The following TRPC3 variants were observed in gnomAD, a reference collection of about 807,000 sequenced individuals.
TRPC3 encodes the protein transient receptor potential cation channel subfamily C member 3.
In TRPC3, 54 loss-of-function variants were observed where a neutral mutation model predicts 90.9. The observed-to-expected ratio is 0.59, with a 90% CI of 0.48 to 0.75. The LOEUF (loss-of-function observed/expected upper bound fraction) is 0.75, where lower values mean the gene tolerates loss of function less well. Ranked by LOEUF, TRPC3 falls within the 30% of genes least tolerant of loss-of-function variation. The pLI is 0.00. For missense variants in TRPC3, 918 were observed against 1,194.5 expected (o/e 0.77, Z 3.41); for synonymous variants, 424 against 450.9 (o/e 0.94, Z 0.75).
At chr4:121,882,488 A>G (rs1727977518) in intron 10 of TRPC3, 59 bp from the exon 11 acceptor site, 2 of 1,518,462 alleles carry the variant, frequency 1.3e-6, no homozygotes, top group South Asian at 1.2e-5. Context: ...CCCCAATCCT[A>G]TTTTCCAAAG....
intron 1 of TRPC3, among the ~76,000 whole-genome samples, chr4:121,936,015 A>G (rs1048239977): frequency 2.6e-5 from 4 of 152,236 alleles, no homozygotes; most frequent in Admixed American, 2.6e-4. Flanking sequence ...AACAAGTCAC[A>G]TGTCATTTTT....
Position 121,933,913 on chromosome 4 carries a change from G to A in TRPC3, c.216-871C>T, listed in dbSNP as rs574366070. Among the ~76,000 whole-genome samples, 126 of 152,248 alleles carry A rather than the reference G, an allele frequency of 8.3e-4. 1 individual carries two copies. Among genetic ancestry groups the A allele is most frequent in the Non-Finnish European group, 8.5e-4 (58 of 68,012 alleles). On this transcript the variant is annotated intron_variant, in intron 1 of 11. Transcript: ENST00000379645. The stretch of plus-strand genomic sequence containing the variant: ...TAGATTGATTTTATTGAAAACAACC[G>A]TGCCTTTGTAATAAGAATTATTTAA...
At position 121,914,901 on chromosome 4, in the gene TRPC3, C is replaced by T; in HGVS notation, c.1220G>A (p.Trp407Ter). ...PNCQQQLLTI[W>*]YENLSGLREQ... is the part of the protein sequence containing the mutation. ...CCTTAGGCCTGAGAGGTTCTCATAC[C>T]AGATCGTCAAGAGCTGCTGCTGGCA... The change falls in exon 4 of 12, where the codon TGG becomes TAG. Residue 407 changes from tryptophan to a stop codon, truncating the protein, a stop_gained. Coordinates refer to ENST00000379645, the MANE Select transcript of TRPC3 (RefSeq NM_001130698.2). LOFTEE classifies it high-confidence loss of function. 6.2e-7 allele frequency: 1 copy of T among 1,611,708 alleles called. No homozygotes were observed. The highest frequency in any genetic ancestry group is 8.5e-7 in the Non-Finnish European group (1 of 1,178,242).
chr4:121,891,128 A>T lies in TRPC3; in HGVS notation c.2547+8484T>A, dbSNP rs189963911. On this transcript the variant is annotated intron_variant, in intron 10 of 11. Transcript: ENST00000379645. ...GCATTCAAACTAAAACCTCCGGTCA[A>T]CTATATGAGGAAAACAATCAGGCTG... Among the ~76,000 whole-genome samples the T allele has an allele frequency of 2.9e-3, 448 of 152,328 alleles. 2 individuals carry two copies. Among genetic ancestry groups the T allele is most frequent in the African/African-American group, 9.7e-3 (405 of 41,570 alleles).
chr4:121,882,584 T>C (rs184283987), intron 10 of TRPC3, among the ~76,000 whole-genome samples, 155 bp from the exon 11 acceptor site: 185 of 152,266 alleles, frequency 1.2e-3, no homozygotes, highest in African/African-American at 4.3e-3. Flanking sequence ...GTTTCAGAAC[T>C]TAACTCTCTT....
intron 2 of TRPC3, among the ~76,000 whole-genome samples, chr4:121,929,797 C>A (rs1244303969): frequency 6.6e-6 from 1 of 151,374 alleles, no homozygotes; most frequent in African/African-American, 2.4e-5. Context: ...TATTATAGGC[C>A]ATTGATAAGA....
intron 1 of TRPC3, among the ~76,000 whole-genome samples, chr4:121,942,967 T>C (rs1730369140): frequency 6.6e-6 from 1 of 152,250 alleles, no homozygotes; most frequent in Non-Finnish European, 1.5e-5. Flanking sequence ...GTTCTGTGTA[T>C]AACTCCATTA....
chr4:121,918,328 C>A (rs553862985), intron 3 of TRPC3, among the ~76,000 whole-genome samples: 4 of 152,176 alleles, frequency 2.6e-5, no homozygotes, highest in African/African-American at 9.7e-5. Context: ...ACAACACAAA[C>A]GGACTAAGGC....
chr4:121,887,551 G>C (rs1728168382), intron 10 of TRPC3, among the ~76,000 whole-genome samples: 1 of 152,172 alleles, frequency 6.6e-6, no homozygotes, highest in Non-Finnish European at 1.5e-5. Flanking sequence ...AGCCATCAAT[G>C]ATATCCTTCA....
chr4:121,913,574 G>A (rs1729187282), intron 4 of TRPC3, among the ~76,000 whole-genome samples: 2 of 152,158 alleles, frequency 1.3e-5, no homozygotes, highest in African/African-American at 4.8e-5. Context: ...GTTCCCCTAA[G>A]AGACAAACAT....
At chr4:121,897,122 C>T (rs1728541277) in intron 10 of TRPC3, among the ~76,000 whole-genome samples, 2 of 151,952 alleles carry the variant, frequency 1.3e-5, no homozygotes, top group African/African-American at 4.8e-5. Flanking sequence ...CCACTTCTCA[C>T]CTTGTATAAA....
chr4:121,891,524 A>C (rs772755125), intron 10 of TRPC3, among the ~76,000 whole-genome samples: 3 of 152,196 alleles, frequency 2.0e-5, no homozygotes, highest in Non-Finnish European at 2.9e-5. Flanking sequence ...TTTTGGCATA[A>C]GGATTATTTT....
intron 1 of TRPC3, among the ~76,000 whole-genome samples, chr4:121,945,365 G>A (rs1730447205): frequency 1.3e-5 from 2 of 152,122 alleles, no homozygotes; most frequent in South Asian, 2.1e-4. Context: ...CCTAAACAAG[G>A]AGAACAAGGA....
intron 2 of TRPC3, among the ~76,000 whole-genome samples, chr4:121,931,578 C>G (rs1180984819): frequency 1.3e-5 from 2 of 151,990 alleles, no homozygotes; most frequent in African/African-American, 4.8e-5. Flanking sequence ...TCTCTTAAAG[C>G]AAATCACTTT....
chr4:121,947,706 G>A (rs969373878), intron 1 of TRPC3, among the ~76,000 whole-genome samples: 27 of 152,114 alleles, frequency 1.8e-4, no homozygotes, highest in Admixed American at 1.4e-3. Flanking sequence ...GAGTATAAAC[G>A]ACAGCATGAA....
At chr4:121,898,818 G>A (rs1385059628) in intron 10 of TRPC3, among the ~76,000 whole-genome samples, 2 of 151,556 alleles carry the variant, frequency 1.3e-5, no homozygotes, top group African/African-American at 4.9e-5. Context: ...AATAAAGTTA[G>A]ACAAAACCAA....
In TRPC3 at chr4:121,951,416, G is replaced by T. The variant is rs1453394377; in HGVS notation, c.215+50C>A. On this transcript the variant is annotated intron_variant, in intron 1 of 11. Transcript: ENST00000379645. The surrounding 1 kb of genome is among the most constrained non-coding windows in gnomAD (Gnocchi z 4.4). ...CCCGGCGCGCGCCTTCCCGCCCCCC[G>T]CCCGGCACCGCCCTCCGAGGCGCGG... The T allele has an allele frequency of 3.5e-6, 4 of 1,145,298 alleles. No individual in the cohort carries two copies. The highest frequency in any genetic ancestry group is 4.3e-6 in the Non-Finnish European group (4 of 929,114). The allele number at this position is 1,145,298 out of a possible 1,614,324, so 70.9% of individuals were successfully genotyped here.
chr4:121,947,704 A>T (rs186318113), intron 1 of TRPC3, among the ~76,000 whole-genome samples: 1 of 152,320 alleles, frequency 6.6e-6, no homozygotes, highest in East Asian at 1.9e-4. Flanking sequence ...ATGAGTATAA[A>T]CGACAGCATG....
chr4:121,924,948 T>G, intron 3 of TRPC3, 70 bp downstream of exon 3: 6 of 1,473,792 alleles, frequency 4.1e-6, no homozygotes, highest in Non-Finnish European at 5.5e-6. Flanking sequence ...ATAATTTTCC[T>G]AGGATTATGG....
Sources: gnomAD v4.1 joint callset for allele counts (sites outside exome capture counted in the v4.1 genomes callset) on GRCh38, gnomAD v4.1.1 for gene constraint, Gnocchi (gnomAD v3.1) non-coding constraint, MANE v1.5 for transcripts, NCBI Gene and HGNC (gene_info 2026-07-23, HGNC 2026-07-21) for gene names.